The following FHIT variants were observed in gnomAD, a reference collection of about 807,000 sequenced individuals.
FHIT encodes the protein bis(5'-adenosyl)-triphosphatase.
A neutral mutation model predicts 17.9 loss-of-function variants in FHIT; 19 were observed. The ratio of observed to expected loss-of-function variants is 1.06; its 90% confidence interval spans 0.74 to 1.56. The LOEUF (loss-of-function observed/expected upper bound fraction) is 1.56, where lower values mean the gene tolerates loss of function less well. Among genes scored for constraint, FHIT ranks in the 40% most tolerant of loss-of-function variants. The pLI, the probability that FHIT is intolerant of heterozygous loss-of-function variation, is 0.00. For missense variants in FHIT, 248 were observed against 189.2 expected, an observed-to-expected ratio of 1.31 and a Z score of -1.82; for synonymous variants, 81 against 69.7, an observed-to-expected ratio of 1.16 and a Z score of -0.81.
At chr3:60,554,415 T>C (rs1458525246) in intron 4 of FHIT, among the ~76,000 whole-genome samples, 1 of 152,214 alleles carries the variant, frequency 6.6e-6, no homozygotes, top group Non-Finnish European at 1.5e-5. Context: ...AAATTTCTAC[T>C]ATATTATAGT....
intron 7 of FHIT, among the ~76,000 whole-genome samples, chr3:60,010,915 G>A (rs1000880236): frequency 6.6e-6 from 1 of 152,136 alleles, no homozygotes; most frequent in African/African-American, 2.4e-5. Flanking sequence ...GAACAGAAAG[G>A]AAGGGAGGCA....
At chr3:60,228,911 T>TG (rs1559745088) in intron 5 of FHIT, among the ~76,000 whole-genome samples, 3 of 152,150 alleles carry the variant, frequency 2.0e-5, no homozygotes, top group Non-Finnish European at 4.4e-5. Context: ...ACATTACTGA[T>TG]TTTAGAGATG....
intron 8 of FHIT, among the ~76,000 whole-genome samples, chr3:59,782,094 C>G (rs1342438068): frequency 1.3e-5 from 2 of 152,184 alleles, no homozygotes; most frequent in Non-Finnish European, 2.9e-5. Flanking sequence ...TTGAAGTTGA[C>G]TTGTTACATA....
At chr3:61,177,360 C>A (rs2107154940) in intron 2 of FHIT, among the ~76,000 whole-genome samples, 1 of 152,080 alleles carries the variant, frequency 6.6e-6, no homozygotes, top group East Asian at 1.9e-4. Flanking sequence ...CAAGGGAAGG[C>A]ATGTAAAAAT....
chr3:60,684,718 T>G, intron 4 of FHIT, among the ~76,000 whole-genome samples: 1 of 152,092 alleles, frequency 6.6e-6, no homozygotes, highest in East Asian at 1.9e-4. Flanking sequence ...TGAGTCTAGT[T>G]CACAGACTAG....
At chr3:60,056,563 G>A (rs527899258) in intron 5 of FHIT, among the ~76,000 whole-genome samples, 8 of 152,282 alleles carry the variant, frequency 5.3e-5, no homozygotes, top group South Asian at 4.1e-4. Context: ...TGCATTACCC[G>A]GGAGGGTGTG....
chr3:60,459,360 GTCAAAGA>G (rs1166910639), intron 5 of FHIT, among the ~76,000 whole-genome samples: 29 of 152,126 alleles, frequency 1.9e-4, no homozygotes, highest in Non-Finnish European at 3.4e-4. Context: ...GTAAATAAAT[GTCAAAGA>G]TCAATTAACT....
At chr3:60,599,994 G>T (rs781858749) in intron 4 of FHIT, among the ~76,000 whole-genome samples, 3 of 152,072 alleles carry the variant, frequency 2.0e-5, no homozygotes, top group Non-Finnish European at 2.9e-5. Flanking sequence ...GTATCCAGAT[G>T]TCGCTAAATG....
At chr3:60,448,297 T>C (rs2031483477) in intron 5 of FHIT, among the ~76,000 whole-genome samples, 1 of 152,164 alleles carries the variant, frequency 6.6e-6, no homozygotes, top group Non-Finnish European at 1.5e-5. Context: ...TAATTGGTTT[T>C]CATAATTATC....
At chr3:60,950,644 G>A (rs1165126484) in intron 3 of FHIT, among the ~76,000 whole-genome samples, 1 of 151,856 alleles carries the variant, frequency 6.6e-6, no homozygotes, top group Non-Finnish European at 1.5e-5. Flanking sequence ...AGTCTCCCAA[G>A]TAGCTGGGAT....
intron 5 of FHIT, among the ~76,000 whole-genome samples, chr3:60,196,673 G>A (rs1268080714): frequency 6.6e-6 from 1 of 151,930 alleles, no homozygotes; most frequent in Non-Finnish European, 1.5e-5. Context: ...AATGGCCTAG[G>A]ATGTGTAACA....
At chr3:59,786,490 T>C (rs1396194741) in intron 8 of FHIT, among the ~76,000 whole-genome samples, 1 of 152,216 alleles carries the variant, frequency 6.6e-6, no homozygotes, top group Non-Finnish European at 1.5e-5. Context: ...GGAAGCACTC[T>C]CTTGCCAGGG....
At chr3:59,966,594 A>G (rs1054926586) in intron 7 of FHIT, among the ~76,000 whole-genome samples, 5 of 152,176 alleles carry the variant, frequency 3.3e-5, no homozygotes, top group African/African-American at 1.2e-4. Context: ...CTCACTTAAT[A>G]CTGTAGTTAA....
chr3:59,985,830 T>G (rs1322193388), intron 7 of FHIT, among the ~76,000 whole-genome samples: 4 of 152,066 alleles, frequency 2.6e-5, no homozygotes, highest in African/African-American at 7.2e-5. Flanking sequence ...ACAGCGCAGG[T>G]GTCCACTCAG....
intron 4 of FHIT, among the ~76,000 whole-genome samples, chr3:60,559,690 G>A (rs1319902766): frequency 6.6e-6 from 1 of 152,004 alleles, no homozygotes; most frequent in African/African-American, 2.4e-5. Flanking sequence ...TGAGAAGATG[G>A]AAAGCATATG....
intron 4 of FHIT, among the ~76,000 whole-genome samples, chr3:60,630,166 T>C (rs2107770605): frequency 6.6e-6 from 1 of 152,302 alleles, no homozygotes; most frequent in African/African-American, 2.4e-5. Context: ...AGCCAGGAGG[T>C]CTGGCTTCAT....
chr3:60,917,938 T>C (rs1050607151), intron 3 of FHIT, among the ~76,000 whole-genome samples: 1 of 152,214 alleles, frequency 6.6e-6, no homozygotes, highest in African/African-American at 2.4e-5. Context: ...ACTACACCCA[T>C]TGATATGGTT....
intron 3 of FHIT, among the ~76,000 whole-genome samples, chr3:60,834,808 T>C (rs558748595): frequency 2.9e-4 from 43 of 148,926 alleles, no homozygotes; most frequent in Non-Finnish European, 4.4e-4. Context: ...GAAGTTGCAG[T>C]GAGCCGAGAT....
At chr3:60,149,986 C>A (rs6414603) in intron 5 of FHIT, among the ~76,000 whole-genome samples, 2 of 44,864 alleles carry the variant, frequency 4.5e-5, no homozygotes, top group Admixed American at 6.3e-4. Context: ...ACCTTTAAGC[C>A]TTTTTTTTTT....
Sources: gnomAD v4.1 joint callset for allele counts (sites outside exome capture counted in the v4.1 genomes callset) on GRCh38, gnomAD v4.1.1 for gene constraint, MANE v1.5 for transcripts, NCBI Gene and HGNC (gene_info 2026-07-23, HGNC 2026-07-21) for gene names.